RANBP3L: variants seen among roughly 807,000 people sequenced by gnomAD.
RANBP3L encodes the protein RAN binding protein 3 like, also known as ran-binding protein 3-like.
In RANBP3L, 56 loss-of-function variants were observed where a neutral mutation model predicts 67.2. That is an observed-to-expected ratio of 0.83 (90% CI 0.67 to 1.04). RANBP3L has a LOEUF of 1.04. Ranked by LOEUF, RANBP3L falls within the 50% of genes least tolerant of loss-of-function variation. The pLI, the probability that RANBP3L is intolerant of heterozygous loss-of-function variation, is 0.00. For synonymous variants in RANBP3L, 164 were observed against 181.4 expected, an observed-to-expected ratio of 0.90 and a Z score of 0.77; for missense variants, 496 against 535.5, an observed-to-expected ratio of 0.93 and a Z score of 0.73.
intron 1 of RANBP3L, among the ~76,000 whole-genome samples, chr5:36,277,986 T>G (rs149583668): frequency 1.2e-4 from 18 of 152,192 alleles, no homozygotes; most frequent in African/African-American, 4.1e-4. Context: ...TGAGACTTAT[T>G]CACTACCACG....
rs773531788 is a variant in RANBP3L at position 36,301,335 on chromosome 5, G to A, written c.82C>T (p.Arg28Ter). The change falls in exon 1 of 14, where the codon CGA (arginine) becomes TGA (stop). Residue 28 changes from arginine (R) to a stop codon, truncating the protein, a stop_gained. Coordinates refer to ENST00000296604, the MANE Select transcript of RANBP3L (RefSeq NM_145000.5). LOFTEE classifies it high-confidence loss of function. Reference sequence around the variant, plus strand: ...AGCTGGACGGACTCACCTTGCTGTCGCCGGTCCTCCTGCAGCTTCAGTTTA... The same window carrying A: ...AGCTGGACGGACTCACCTTGCTGTCACCGGTCCTCCTGCAGCTTCAGTTTA... ...TCKLKLQEDR[R>*]QQEKSVIAQP... The A allele has an allele frequency of 3.5e-5, 56 of 1,612,560 alleles. 1 individual carries two copies. In the South Asian group the frequency reaches 4.5e-4, roughly 13 times the overall value.
chr5:36,275,676 C>A (rs1750519741), intron 1 of RANBP3L, among the ~76,000 whole-genome samples: 1 of 152,060 alleles, frequency 6.6e-6, no homozygotes, highest in African/African-American at 2.4e-5. Flanking sequence ...ATAATAGCAA[C>A]AAAATTTTGG....
chr5:36,299,664 G>C (rs568163876), intron 1 of RANBP3L, among the ~76,000 whole-genome samples: 1 of 152,188 alleles, frequency 6.6e-6, no homozygotes, highest in South Asian at 2.1e-4. Context: ...CTATTCATTA[G>C]TTTAGGTGCA....
Position 36,249,556 on chromosome 5 carries a change from A to G in RANBP3L, c.*98T>C. 3.7e-6 allele frequency: 2 copies of G among 542,420 alleles called. No homozygotes were observed. The highest frequency in any genetic ancestry group is 6.6e-6 in the Non-Finnish European group (2 of 303,206). The allele number at this position is 542,420 out of a possible 1,614,324, so 33.6% of individuals were successfully genotyped here. ...TTAAACTTTTCTATAAAAACTCTTC[A>G]AGGAATGAATAGAATCTTCTCATTA... On this transcript the variant is annotated 3_prime_UTR_variant, in exon 14 of 14. Transcript: ENST00000296604.
chr5:36,255,201 T>G (rs554176110), intron 11 of RANBP3L, among the ~76,000 whole-genome samples: 1 of 152,232 alleles, frequency 6.6e-6, no homozygotes, highest in South Asian at 2.1e-4. Context: ...TTATTCCCAT[T>G]TTAAATTGAT....
chr5:36,257,333 T>C (rs1170089385), intron 9 of RANBP3L, 121 bp downstream of exon 9: 1 of 450,388 alleles, frequency 2.2e-6, no homozygotes, highest in Non-Finnish European at 3.8e-6. Flanking sequence ...CACTGGATTA[T>C]TGGTTTTTTA....
intron 6 of RANBP3L, among the ~76,000 whole-genome samples, chr5:36,262,446 A>G (rs141216339): frequency 6.6e-6 from 1 of 152,302 alleles, no homozygotes; most frequent in Non-Finnish European, 1.5e-5. Context: ...TAAGAATGTC[A>G]CCATCCTAGT....
At chr5:36,299,250 G>A (rs1441474671) in intron 1 of RANBP3L, among the ~76,000 whole-genome samples, 1 of 151,796 alleles carries the variant, frequency 6.6e-6, no homozygotes, top group African/African-American at 2.4e-5. Flanking sequence ...GACTGTGTAA[G>A]TTAATACTTA....
At chr5:36,249,769 C>A in intron 13 of RANBP3L, 72 bp from the exon 14 acceptor site, 1 of 710,980 alleles carries the variant, frequency 1.4e-6, no homozygotes. Flanking sequence ...TTGAATGCAA[C>A]TAAACATGAA....
At chr5:36,270,290 G>A (rs1336212756) in intron 2 of RANBP3L, among the ~76,000 whole-genome samples, 2 of 152,170 alleles carry the variant, frequency 1.3e-5, no homozygotes, top group African/African-American at 4.8e-5. Flanking sequence ...GTGGAAGTTA[G>A]TTTAAAATGT....
chr5:36,273,792 A>T (rs766561427), intron 1 of RANBP3L, among the ~76,000 whole-genome samples: 5 of 152,222 alleles, frequency 3.3e-5, no homozygotes, highest in African/African-American at 4.8e-5. Context: ...ACAAATATGT[A>T]TTGAGAAATG....
intron 4 of RANBP3L, 129 bp downstream of exon 4, chr5:36,269,261 C>T (rs112665675): frequency 0.014 from 8,801 of 624,450 alleles, 98 homozygotes; most frequent in Non-Finnish European, 0.022. Flanking sequence ...GTTGTTTTCA[C>T]GTAACAATAT....
intron 6 of RANBP3L, 35 bp from the exon 7 acceptor site, chr5:36,262,077 A>T: frequency 9.7e-7 from 1 of 1,026,270 alleles, no homozygotes; most frequent in Non-Finnish European, 1.5e-6. Flanking sequence ...AAGTTTATAA[A>T]GACTACCTTA....
Position 36,253,502 on chromosome 5 carries a change from G to A in RANBP3L, c.1167+145C>T, listed in dbSNP as rs985000581. The A allele has an allele frequency of 5.2e-5, 32 of 611,496 alleles. No individual in the cohort carries two copies. In the African/African-American group the frequency reaches 5.6e-4, roughly 11 times the overall value. 37.9% of individuals were successfully genotyped at this position (611,496 alleles called of 1,614,324 possible). ...TTTCTGAATTTCACATAAAATTTAT[G>A]TCTTATGCTATAAACAGACATAATG... is the stretch of plus-strand genomic sequence containing the variant. On this transcript the variant is annotated intron_variant, in intron 12 of 13. Transcript: ENST00000296604.
chr5:36,257,116 C>A, intron 9 of RANBP3L, 45 bp from the exon 10 acceptor site: 1 of 1,558,596 alleles, frequency 6.4e-7, no homozygotes, highest in South Asian at 1.2e-5. Flanking sequence ...CCCATTTTCT[C>A]TACTGTGAAA....
intron 1 of RANBP3L, among the ~76,000 whole-genome samples, chr5:36,295,598 TC>T (rs1411479867): frequency 6.6e-6 from 1 of 151,526 alleles, no homozygotes; most frequent in Non-Finnish European, 1.5e-5. Flanking sequence ...TCACAGCAGC[TC>T]CACCATTTTA....
rs115356111 is a variant in RANBP3L at position 36,257,134 on chromosome 5, G to C, written c.773-63C>G. On this transcript the variant is annotated intron_variant, in intron 9 of 13. Transcript: ENST00000296604. ...ATTTTCTCTACTGTGAAAGTTCTTTGTTGCCCCTATTACCACATATATCTA... is the reference window on the plus strand; with the variant it reads ...ATTTTCTCTACTGTGAAAGTTCTTTCTTGCCCCTATTACCACATATATCTA... 1.3e-3 allele frequency: 1,939 copies of C among 1,437,526 alleles called. 22 individuals are homozygous for C. In the African/African-American group the frequency reaches 0.025, roughly 18 times the overall value. The allele number at this position is 1,437,526 out of a possible 1,614,324, so 89.0% of individuals were successfully genotyped here.
chr5:36,299,584 A>C (rs532396308), intron 1 of RANBP3L, among the ~76,000 whole-genome samples: 2 of 152,268 alleles, frequency 1.3e-5, no homozygotes, highest in South Asian at 4.1e-4. Context: ...AGAATGTATA[A>C]TCCTTTGACT....
At chr5:36,251,669 A>C (rs946036805) in intron 12 of RANBP3L, among the ~76,000 whole-genome samples, 170 bp from the exon 13 acceptor site, 1 of 152,164 alleles carries the variant, frequency 6.6e-6, no homozygotes, top group Non-Finnish European at 1.5e-5. Context: ...ATCTTGAACC[A>C]AATTGAATCC....
Sources: gnomAD v4.1 joint callset for allele counts (sites outside exome capture counted in the v4.1 genomes callset) on GRCh38, gnomAD v4.1.1 for gene constraint, MANE v1.5 for transcripts, NCBI Gene and HGNC (gene_info 2026-07-23, HGNC 2026-07-21) for gene names.